OR1F1: variants seen among roughly 807,000 people sequenced by gnomAD.
The protein encoded by OR1F1 is olfactory receptor family 1 subfamily F member 1.
For synonymous variants in OR1F1, 184 were observed against 156.7 expected (o/e 1.17, Z -1.30); for missense variants, 493 against 376.3 (o/e 1.31, Z -2.57).
chr16:3,195,056 C>G, the OR1F1 span, among the ~76,000 whole-genome samples: 1 of 152,174 alleles, frequency 6.6e-6, no homozygotes, highest in African/African-American at 2.4e-5. Context: ...TGGCGGAAGG[C>G]CCCGTGTCCC....
the OR1F1 span, among the ~76,000 whole-genome samples, chr16:3,189,432 G>C: frequency 1.3e-5 from 2 of 152,230 alleles, 1 homozygote; most frequent in Non-Finnish European, 2.9e-5. Context: ...GATTGTGGTA[G>C]CGCCAGGGCT....
chr16:3,202,704 A>ATAATAT (rs1331825385), upstream of OR1F1, among the ~76,000 whole-genome samples: 2 of 137,858 alleles, frequency 1.5e-5, no homozygotes, highest in Non-Finnish European at 3.0e-5. Context: ...AATAATAATA[A>ATAATAT]TAACAATTTA....
exon 1 of OR1F1, chr16:3,204,784 G>A (rs746066317): frequency 1.1e-5 from 18 of 1,613,920 alleles, no homozygotes; most frequent in African/African-American, 2.7e-5. Flanking sequence ...CTTCTTCTGC[G>A]ATGTGACTCC....
upstream of OR1F1, among the ~76,000 whole-genome samples, chr16:3,199,435 G>A (rs1365885397): frequency 6.6e-6 from 1 of 151,926 alleles, no homozygotes; most frequent in African/African-American, 2.4e-5. Context: ...TTGAGCCCAG[G>A]AGTTCAAGAC....
chr16:3,205,990 A>G (rs1314356131), downstream of OR1F1, among the ~76,000 whole-genome samples: 2 of 152,224 alleles, frequency 1.3e-5, no homozygotes, highest in Admixed American at 1.3e-4. Flanking sequence ...GAATGGAGCC[A>G]TATTTTTCTT....
At chr16:3,199,753 C>G (rs1225776499), upstream of OR1F1, among the ~76,000 whole-genome samples, 3 of 152,148 alleles carry the variant, frequency 2.0e-5, no homozygotes, top group Non-Finnish European at 4.4e-5. Flanking sequence ...GTGGCTCACA[C>G]TTGTAATCTC....
chr16:3,196,459 CT>C, the OR1F1 span, among the ~76,000 whole-genome samples: 1 of 151,918 alleles, frequency 6.6e-6, no homozygotes, highest in African/African-American at 2.4e-5. Flanking sequence ...TTACAGCTCA[CT>C]GCATCCTTGA....
chr16:3,194,514 T>C, the OR1F1 span, among the ~76,000 whole-genome samples: 1 of 152,212 alleles, frequency 6.6e-6, no homozygotes, highest in African/African-American at 2.4e-5. Context: ...CAATCTATCC[T>C]GGTTGACTTG....
the OR1F1 span, among the ~76,000 whole-genome samples, chr16:3,192,578 C>T: frequency 1.3e-5 from 2 of 152,204 alleles, no homozygotes; most frequent in African/African-American, 2.4e-5. Context: ...GAATTTTTAC[C>T]ACTAGGTAAA....
chr16:3,191,566 G>C, the OR1F1 span, among the ~76,000 whole-genome samples: 1 of 151,900 alleles, frequency 6.6e-6, no homozygotes, highest in Non-Finnish European at 1.5e-5. Context: ...CGAGCCCCAC[G>C]TTGGGCGACT....
the OR1F1 span, among the ~76,000 whole-genome samples, chr16:3,192,571 T>C: frequency 6.6e-6 from 1 of 152,252 alleles, no homozygotes; most frequent in East Asian, 1.9e-4. Context: ...CACTGCTGAA[T>C]TTTTACCACT....
At chr16:3,193,518 A>G in the OR1F1 span, among the ~76,000 whole-genome samples, 1 of 152,232 alleles carries the variant, frequency 6.6e-6, no homozygotes, top group East Asian at 1.9e-4. Context: ...GCAGAGCTCT[A>G]CGGGGAATGG....
At chr16:3,200,876 T>C (rs1958128677), upstream of OR1F1, among the ~76,000 whole-genome samples, 1 of 152,222 alleles carries the variant, frequency 6.6e-6, no homozygotes, top group Non-Finnish European at 1.5e-5. Context: ...GCCTGACCAA[T>C]GGCATTAATT....
At chr16:3,202,985 C>T (rs1395582981), upstream of OR1F1, among the ~76,000 whole-genome samples, 2 of 152,098 alleles carry the variant, frequency 1.3e-5, no homozygotes, top group Admixed American at 1.3e-4. Context: ...AGTACAGCTT[C>T]ACAGGTATCT....
the OR1F1 span, among the ~76,000 whole-genome samples, chr16:3,191,978 C>T: frequency 0.053 from 8,007 of 152,206 alleles, 704 homozygotes; most frequent in African/African-American, 0.18. Flanking sequence ...AAGTAAAGGG[C>T]CTGCTGCTGT....
chr16:3,204,084 C>T (rs1958169571), upstream of OR1F1, among the ~76,000 whole-genome samples: 1 of 152,172 alleles, frequency 6.6e-6, no homozygotes, highest in African/African-American at 2.4e-5. Context: ...TAAACCTGAG[C>T]CCTGAACATA....
chr16:3,191,529 G>A, the OR1F1 span, among the ~76,000 whole-genome samples: 1 of 152,126 alleles, frequency 6.6e-6, no homozygotes, highest in Non-Finnish European at 1.5e-5. Flanking sequence ...GTAGAGCATG[G>A]GACTCTTAAT....
the OR1F1 span, among the ~76,000 whole-genome samples, chr16:3,197,241 A>G: frequency 2.0e-5 from 3 of 147,566 alleles, no homozygotes; most frequent in African/African-American, 7.5e-5. Flanking sequence ...CTGGTCTGAA[A>G]CTCTTGACCT....
the OR1F1 span, among the ~76,000 whole-genome samples, chr16:3,190,128 T>C: frequency 6.6e-6 from 1 of 152,024 alleles, no homozygotes; most frequent in East Asian, 1.9e-4. Context: ...AATGAGAGAG[T>C]GAGCCAGGCA....
Sources: allele counts gnomAD v4.1 joint callset (sites outside exome capture counted in the v4.1 genomes callset), GRCh38; gene constraint gnomAD v4.1.1; transcripts MANE v1.5; gene names NCBI Gene and HGNC (gene_info 2026-07-23, HGNC 2026-07-21).